Variants in SEL1L3 observed in about 807,000 individuals in gnomAD.
SEL1L3 encodes SEL1L family member 3, also known as protein sel-1 homolog 3.
In SEL1L3, 76 loss-of-function variants were observed where a neutral mutation model predicts 142.8. The ratio of observed to expected loss-of-function variants is 0.53; its 90% CI spans 0.44 to 0.64. The LOEUF is 0.64. Ranked by LOEUF, SEL1L3 falls within the 30% of genes least tolerant of loss-of-function variation. The pLI is 0.00. For missense variants in SEL1L3, 1,262 were observed against 1,381.7 expected, an observed-to-expected ratio of 0.91 and a Z score of 1.37; for synonymous variants, 504 against 519.6, an observed-to-expected ratio of 0.97 and a Z score of 0.41.
chr4:25,727,097 G>C, the SEL1L3 span, among the ~76,000 whole-genome samples: 1 of 150,792 alleles, frequency 6.6e-6, no homozygotes, highest in African/African-American at 2.4e-5. Context: ...CTGTCACCCA[G>C]GCTGGAGTGC....
intron 20 of SEL1L3, chr4:25,759,634 A>G (rs548887721): frequency 6.5e-6 from 1 of 154,072 alleles, no homozygotes; most frequent in East Asian, 1.9e-4. Flanking sequence ...ATATTTTCCT[A>G]CCTCTTCCTC....
chr4:25,722,642 A>C, the SEL1L3 span, among the ~76,000 whole-genome samples: 1 of 91,082 alleles, frequency 1.1e-5, no homozygotes, highest in Non-Finnish European at 1.9e-5. Flanking sequence ...TTTTTTTTAG[A>C]GATAGGGTCT....
intron 1 of SEL1L3, chr4:25,861,967 C>G (rs1263263951): frequency 6.6e-6 from 1 of 152,106 alleles, no homozygotes; most frequent in Non-Finnish European, 1.5e-5. Context: ...AAACAGAAGC[C>G]AAGAAGTGTG....
chr4:25,718,381 G>A, the SEL1L3 span: 1 of 152,158 alleles, frequency 6.6e-6, no homozygotes, highest in Non-Finnish European at 1.5e-5. Context: ...GCTAGAAGAG[G>A]CTATTAGTGG....
intron 23 of SEL1L3, among the ~76,000 whole-genome samples, chr4:25,753,515 G>C (rs959063969): frequency 6.6e-6 from 1 of 152,160 alleles, no homozygotes; most frequent in Non-Finnish European, 1.5e-5. Context: ...CCAGCTGTGG[G>C]GCAGGTCTCA....
intron 2 of SEL1L3, among the ~76,000 whole-genome samples, chr4:25,837,141 G>A (rs897816170): frequency 4.6e-5 from 7 of 151,628 alleles, no homozygotes; most frequent in South Asian, 2.1e-4. Context: ...CGGGGGTGGT[G>A]AGAGGGGTGA....
At chr4:25,719,994 T>C in the SEL1L3 span, 1 of 152,152 alleles carries the variant, frequency 6.6e-6, no homozygotes, top group South Asian at 2.1e-4. Context: ...AGTGATATGG[T>C]GTATGCTAAT....
intron 3 of SEL1L3, among the ~76,000 whole-genome samples, chr4:25,834,266 C>A (rs928071583): frequency 3.9e-5 from 6 of 152,172 alleles, no homozygotes; most frequent in Admixed American, 1.3e-4. Flanking sequence ...ACACATTTAG[C>A]CAAGATATGT....
chr4:25,783,397 C>T (rs1711559866), intron 14 of SEL1L3, among the ~76,000 whole-genome samples: 3 of 152,174 alleles, frequency 2.0e-5, no homozygotes, highest in Non-Finnish European at 2.9e-5. Flanking sequence ...CCTCAAGAGA[C>T]AACAATGAGG....
chr4:25,844,235 A>T (rs1404847107), intron 2 of SEL1L3, among the ~76,000 whole-genome samples: 1 of 152,136 alleles, frequency 6.6e-6, no homozygotes, highest in African/African-American at 2.4e-5. Context: ...TTCTATCCCC[A>T]CAGCCCAGAT....
At chr4:25,745,339 G>A (rs972121662), downstream of SEL1L3, among the ~76,000 whole-genome samples, 12 of 151,764 alleles carry the variant, frequency 7.9e-5, no homozygotes, top group Non-Finnish European at 1.6e-4. Context: ...AGGATGCAGT[G>A]AGCCAAGATC....
chr4:25,739,068 C>T, the SEL1L3 span, among the ~76,000 whole-genome samples: 1 of 151,884 alleles, frequency 6.6e-6, no homozygotes, highest in African/African-American at 2.4e-5. Context: ...ATTAGCCAGG[C>T]ATGGTGGGGG....
chr4:25,718,151 T>C, the SEL1L3 span: 1 of 152,330 alleles, frequency 6.6e-6, no homozygotes, highest in Admixed American at 6.5e-5. Flanking sequence ...TAAGTATTAA[T>C]GTATTTTCTC....
intron 1 of SEL1L3, chr4:25,862,301 G>T (rs1339347810): frequency 2.4e-5 from 4 of 165,618 alleles, no homozygotes; most frequent in African/African-American, 4.8e-5. Context: ...AAGCCCAGGA[G>T]GGGTGGGGGG....
intron 23 of SEL1L3, among the ~76,000 whole-genome samples, chr4:25,751,176 T>C (rs1357328028): frequency 1.3e-5 from 2 of 152,074 alleles, no homozygotes. Flanking sequence ...TACTTTGGGA[T>C]TTTTTGTTTT....
chr4:25,842,347 T>C (rs1415741293), intron 2 of SEL1L3, among the ~76,000 whole-genome samples: 1 of 129,614 alleles, frequency 7.7e-6, no homozygotes, highest in African/African-American at 3.0e-5. Context: ...CAAGCAGACA[T>C]GGAAAGTGGC....
intron 10 of SEL1L3, among the ~76,000 whole-genome samples, chr4:25,802,706 G>A (rs1483023293): frequency 2.0e-5 from 3 of 151,904 alleles, no homozygotes; most frequent in South Asian, 2.1e-4. Context: ...CTCAGCCTCC[G>A]GAGTAGCTGG....
At chr4:25,729,556 A>G in the SEL1L3 span, among the ~76,000 whole-genome samples, 21 of 152,294 alleles carry the variant, frequency 1.4e-4, no homozygotes, top group Non-Finnish European at 2.5e-4. Context: ...TCTACTAAAA[A>G]TACAAAAATT....
intron 1 of SEL1L3, among the ~76,000 whole-genome samples, chr4:25,851,204 A>C (rs190594649): frequency 1.3e-5 from 2 of 152,216 alleles, no homozygotes; most frequent in Non-Finnish European, 2.9e-5. Context: ...CACAATTCAC[A>C]CACTGAAAGT....
Sources: allele counts gnomAD v4.1 joint callset (sites outside exome capture counted in the v4.1 genomes callset), GRCh38; gene constraint gnomAD v4.1.1; transcripts MANE v1.5; gene names NCBI Gene and HGNC (gene_info 2026-07-23, HGNC 2026-07-21).